The following RAB4A variants were observed in gnomAD, a reference collection of about 807,000 sequenced individuals.
The protein encoded by RAB4A is ras-related protein Rab-4A.
A neutral mutation model predicts 34.5 loss-of-function variants in RAB4A; 20 were observed. That is an observed-to-expected ratio of 0.58 (90% CI 0.41 to 0.84). RAB4A has a LOEUF of 0.84. Ranked by LOEUF, RAB4A falls within the 40% of genes least tolerant of loss-of-function variation. The probability of loss-of-function intolerance (pLI) is 0.00; values close to 1 mark genes in which losing one functional copy is unlikely to be tolerated. For synonymous variants in RAB4A, 102 were observed against 100.0 expected (o/e 1.02, Z -0.12); for missense variants, 228 against 274.5 (o/e 0.83, Z 1.20).
At chr1:229,276,513 C>T (rs1656654155) in intron 1 of RAB4A, among the ~76,000 whole-genome samples, 1 of 151,322 alleles carries the variant, frequency 6.6e-6, no homozygotes, top group Admixed American at 6.6e-5. Context: ...TTTTCAGCTA[C>T]CTAACTACAC....
intron 1 of RAB4A, among the ~76,000 whole-genome samples, chr1:229,281,247 A>G (rs1286297390): frequency 6.7e-6 from 1 of 149,840 alleles, no homozygotes; most frequent in African/African-American, 2.5e-5. Flanking sequence ...CTCGAGCTGT[A>G]ATGGTGAGTT....
intron 1 of RAB4A, 46 bp from the exon 2 acceptor site, chr1:229,286,440 C>T (rs76874486): frequency 1.0e-5 from 12 of 1,166,302 alleles, no homozygotes; most frequent in Admixed American, 2.5e-5. Context: ...AAGAAATTCA[C>T]AGCACTATTT....
intron 6 of RAB4A, among the ~76,000 whole-genome samples, chr1:229,302,309 ATTTT>A (rs869095524): frequency 0.035 from 1,252 of 35,686 alleles, 68 homozygotes; most frequent in Admixed American, 0.065. Context: ...ATATATATAT[ATTTT>A]TTTTTTTTTT....
At chr1:229,281,973 C>T (rs1027413406) in intron 1 of RAB4A, among the ~76,000 whole-genome samples, 1 of 151,712 alleles carries the variant, frequency 6.6e-6, no homozygotes, top group Non-Finnish European at 1.5e-5. Flanking sequence ...ATGAAGAAAA[C>T]TCAAGATAAG....
chr1:229,285,854 T>G (rs1204403547), intron 1 of RAB4A, among the ~76,000 whole-genome samples: 1 of 152,248 alleles, frequency 6.6e-6, no homozygotes, highest in African/African-American at 2.4e-5. Context: ...ATTTCCATTT[T>G]ATAAAAAATA....
At chr1:229,292,712 TTTTG>T (rs746587908) in intron 3 of RAB4A, among the ~76,000 whole-genome samples, 6 of 152,184 alleles carry the variant, frequency 3.9e-5, no homozygotes, top group South Asian at 2.1e-4. Flanking sequence ...TAATTAGTAA[TTTTG>T]TTTGTTTGTT....
chr1:229,303,116 C>T, intron 7 of RAB4A, 127 bp downstream of exon 7: 1 of 656,394 alleles, frequency 1.5e-6, no homozygotes, highest in Non-Finnish European at 2.6e-6. Flanking sequence ...CTAATTCCAG[C>T]ACTTTGGGAG....
At chr1:229,284,746 A>G (rs1457384244) in intron 1 of RAB4A, among the ~76,000 whole-genome samples, 4 of 152,084 alleles carry the variant, frequency 2.6e-5, no homozygotes, top group African/African-American at 9.7e-5. Context: ...TTTTATTTGA[A>G]CAATCCTTTA....
intron 1 of RAB4A, among the ~76,000 whole-genome samples, chr1:229,274,607 A>G (rs1274574884): frequency 6.6e-6 from 1 of 152,244 alleles, no homozygotes; most frequent in African/African-American, 2.4e-5. Context: ...GATACACTAC[A>G]TTCTTAAAGC....
At chr1:229,284,068 G>GT (rs1553300849) in intron 1 of RAB4A, among the ~76,000 whole-genome samples, 77 of 132,118 alleles carry the variant, frequency 5.8e-4, no homozygotes, top group African/African-American at 2.1e-3. Context: ...TTCTAGGGTG[G>GT]TTTTTTTTGT....
At chr1:229,285,503 T>G (rs1656900436) in intron 1 of RAB4A, among the ~76,000 whole-genome samples, 1 of 151,902 alleles carries the variant, frequency 6.6e-6, no homozygotes, top group East Asian at 1.9e-4. Context: ...GAGGAGGGAG[T>G]GCTTGATCTG....
chr1:229,278,216 G>T (rs1656697283), intron 1 of RAB4A, among the ~76,000 whole-genome samples: 1 of 152,082 alleles, frequency 6.6e-6, no homozygotes. Context: ...AAGACTCATG[G>T]CTTTTCCTTC....
chr1:229,277,605 G>T lies in RAB4A; in HGVS notation c.31+6235G>T, dbSNP rs540790003. The stretch of plus-strand genomic sequence containing the variant: ...CTGGGGATAGTCCTTTTTCAACAAG[G>T]TCATCTATCATATGGTCTTGCTCTT... On this transcript the variant is annotated intron_variant, in intron 1 of 7. Coordinates refer to ENST00000366690, the MANE Select transcript of RAB4A (RefSeq NM_004578.4). 1.3e-4 allele frequency among the ~76,000 whole-genome samples: 20 copies of T among 151,434 alleles called. No individual in the cohort carries two copies. The South Asian group carries it at 3.9e-3, about 30-fold the overall frequency.
chr1:229,287,244 G>C (rs1451779735), intron 2 of RAB4A, among the ~76,000 whole-genome samples: 1 of 152,210 alleles, frequency 6.6e-6, no homozygotes, highest in Non-Finnish European at 1.5e-5. Context: ...AAGTATATGT[G>C]AGGCATGGTA....
chr1:229,271,231 C>T lies in RAB4A; in HGVS notation c.-109C>T. On this transcript the variant is annotated 5_prime_UTR_variant, in exon 1 of 8. Coordinates refer to ENST00000366690, the MANE Select transcript of RAB4A (RefSeq NM_004578.4). ...GCGGTTGCCGTGGGGACCGGTCGGG[C>T]CCCTCCCTCCTCCGGTCCCCCGCCC... 2.7e-6 allele frequency: 3 copies of T among 1,127,400 alleles called. No individual in the cohort carries two copies. Among genetic ancestry groups the T allele is most frequent in the Admixed American group, 4.4e-5 (1 of 22,632 alleles). The allele number at this position is 1,127,400 out of a possible 1,614,324, so 69.8% of individuals were successfully genotyped here. A position where few individuals can be genotyped will look rare whatever the true frequency, so the allele number is the denominator to read the frequency against.
intron 3 of RAB4A, among the ~76,000 whole-genome samples, chr1:229,294,419 A>G (rs1209161803): frequency 6.6e-6 from 1 of 152,224 alleles, no homozygotes; most frequent in Non-Finnish European, 1.5e-5. Flanking sequence ...TGAGGACAGA[A>G]ATGCCCACTC....
At chr1:229,300,346 G>A (rs182698901) in intron 6 of RAB4A, among the ~76,000 whole-genome samples, 1 of 152,318 alleles carries the variant, frequency 6.6e-6, no homozygotes, top group East Asian at 1.9e-4. Flanking sequence ...AGGGAGGACA[G>A]GCCTGGAGGC....
chr1:229,278,348 T>C (rs965223196), intron 1 of RAB4A, among the ~76,000 whole-genome samples: 1 of 152,220 alleles, frequency 6.6e-6, no homozygotes, highest in Admixed American at 6.5e-5. Flanking sequence ...TCATTGCAGA[T>C]GTATGGTCTC....
At chr1:229,284,180 A>C (rs12123026) in intron 1 of RAB4A, among the ~76,000 whole-genome samples, 1 of 134,612 alleles carries the variant, frequency 7.4e-6, no homozygotes, top group East Asian at 2.1e-4. Context: ...GCCCATTGCA[A>C]CCTCCACCTC....
Sources: gnomAD v4.1 joint callset for allele counts (sites outside exome capture counted in the v4.1 genomes callset) on GRCh38, gnomAD v4.1.1 for gene constraint, MANE v1.5 for transcripts, NCBI Gene and HGNC (gene_info 2026-07-23, HGNC 2026-07-21) for gene names.